The following SLC12A4 variants were observed in gnomAD, a reference collection of about 807,000 sequenced individuals.
SLC12A4 encodes electroneutral potassium-chloride cotransporter 1.
SLC12A4 carries 84 observed loss-of-function variants against 119.2 expected under a neutral mutation model. The observed-to-expected ratio is 0.70, with a 90% CI of 0.59 to 0.85. SLC12A4 has a LOEUF of 0.85. Ranked by LOEUF, SLC12A4 falls within the 40% of genes least tolerant of loss-of-function variation. The probability of loss-of-function intolerance (pLI) is 0.00; values close to 1 mark genes in which losing one functional copy is unlikely to be tolerated. For synonymous variants in SLC12A4, 599 were observed against 604.6 expected, an observed-to-expected ratio of 0.99 and a Z score of 0.14; for missense variants, 1,298 against 1,476.3, an observed-to-expected ratio of 0.88 and a Z score of 1.98.
rs1307695558 is a variant in SLC12A4 at position 67,946,324 on chromosome 16, A to T, written c.2454T>A (p.Thr818=). The stretch of plus-strand genomic sequence containing the variant: ...CGAGCAGGGCCAGGTGGGCAGCCGT[A>T]GTGCAGCGCACGGTGTCTGGGGAGG... ...WKTFIDTVRC[T]TAAHLALLVP... Residue 818 remains threonine (T), a synonymous_variant, in exon 19 of 24, where the codon ACT becomes ACA. Transcript: ENST00000316341. 3.1e-6 allele frequency: 5 copies of T among 1,610,566 alleles called. No individual in the cohort carries two copies.
Position 67,968,606 on chromosome 16 carries a change from C to T in SLC12A4, c.-53G>A, listed in dbSNP as rs1290178726. 1.1e-5 allele frequency: 16 copies of T among 1,399,212 alleles called. No individual in the cohort carries two copies. The highest frequency in any genetic ancestry group is 1.5e-5 in the Non-Finnish European group (16 of 1,079,844). The allele number at this position is 1,399,212 out of a possible 1,614,324, so 86.7% of individuals were successfully genotyped here. A position where few individuals can be genotyped will look rare whatever the true frequency, so the allele number is the denominator to read the frequency against. ...CCGTCCCAGCCGCCCGCCGCTGTCC[C>T]CGCCGCTGTCCCCGCCGCCCCGGGC... On this transcript the variant is annotated 5_prime_UTR_variant, in exon 1 of 24. Coordinates refer to ENST00000316341, the MANE Select transcript of SLC12A4 (RefSeq NM_005072.5).
Position 67,945,504 on chromosome 16 carries a change from T to C in SLC12A4, c.2897A>G (p.Tyr966Cys), listed in dbSNP as rs1160444609. The C allele has an allele frequency of 2.5e-6, 4 of 1,613,852 alleles. No individual in the cohort carries two copies. The Admixed American group carries it at 6.7e-5, about 27-fold the overall frequency. ...TGCAGACTCATCTTCCTCGTCCGAG[T>C]ACAGGCTCTCCAGCCGCAGGGCCGA... is the stretch of plus-strand genomic sequence containing the variant. ...RHSALRLESL[Y>C]SDEEDESAVG... Residue 966 changes from tyrosine to cysteine, a missense_variant, in exon 22 of 24, where the codon TAC (tyrosine) becomes TGC (cysteine). Coordinates refer to ENST00000316341, the MANE Select transcript of SLC12A4 (RefSeq NM_005072.5).
chr16:67,951,354 T>C lies in SLC12A4; in HGVS notation c.1133-50A>G. 1.3e-6 allele frequency: 2 copies of C among 1,579,122 alleles called. No individual in the cohort carries two copies. Among genetic ancestry groups the C allele is most frequent in the Non-Finnish European group, 1.7e-6 (2 of 1,161,788 alleles). On this transcript the variant is annotated intron_variant, in intron 8 of 23. Coordinates refer to ENST00000316341, the MANE Select transcript of SLC12A4 (RefSeq NM_005072.5). This position sits in a 1 kb window ranked among gnomAD's most constrained non-coding sequence, Gnocchi z 5.2. ...CACAGCTGCCCCCCACTACCCCAGG[T>C]AGTTTGGGGCAGCCTAGCCAGAGGC...
At position 67,957,810 on chromosome 16, in the gene SLC12A4, G is replaced by T. The variant is rs766068962; in HGVS notation, c.490-14C>A. 1 of 1,614,166 alleles carries T rather than the reference G, an allele frequency of 6.2e-7. No homozygotes were observed. Among genetic ancestry groups the T allele is most frequent in the South Asian group, 1.1e-5 (1 of 91,086 alleles). Reference sequence around the variant, plus strand: ...CGTCAGCAGGGTCTGTGGGAAGGAGGGCCTGGGTGAGCGGCTCAGCTGGGT... The same window carrying T: ...CGTCAGCAGGGTCTGTGGGAAGGAGTGCCTGGGTGAGCGGCTCAGCTGGGT... On this transcript the variant is annotated splice_polypyrimidine_tract_variant and intron_variant, in intron 4 of 23. Coordinates refer to ENST00000316341, the MANE Select transcript of SLC12A4 (RefSeq NM_005072.5).
intron 15 of SLC12A4, 91 bp downstream of exon 15, chr16:67,947,578 C>T (rs907862527): frequency 7.2e-6 from 11 of 1,525,936 alleles, no homozygotes; most frequent in African/African-American, 1.4e-5. Context: ...CCACGGTGGC[C>T]CAGCTCCCTG....
Position 67,950,974 on chromosome 16 carries a change from T to C in SLC12A4, c.1384A>G (p.Thr462Ala), listed in dbSNP as rs777393577. The change falls in exon 10 of 24, where the codon ACT (threonine) becomes GCT (alanine). Residue 462 changes from threonine to alanine, a missense_variant. Transcript: ENST00000316341. The surrounding 1 kb of genome is among the most constrained non-coding windows in gnomAD (Gnocchi z 4.3). ...PVGTILAIIT[T>A]SLVYFSSVVL... ...TGGGAAAGGATACACACGAGGGAAGTTGTAATGATGGCCAGAATGGTCCCC... is the reference window on the plus strand; with the variant it reads ...TGGGAAAGGATACACACGAGGGAAGCTGTAATGATGGCCAGAATGGTCCCC... 3.2e-5 allele frequency: 52 copies of C among 1,613,386 alleles called. No individual in the cohort carries two copies. The highest frequency in any genetic ancestry group is 4.3e-5 in the Non-Finnish European group (51 of 1,179,888).
chr16:67,963,372 G>A (rs1176019922), intron 2 of SLC12A4, 93 bp downstream of exon 2: 1 of 736,730 alleles, frequency 1.4e-6, no homozygotes, highest in Non-Finnish European at 2.2e-6. Flanking sequence ...ATGAGAGGAA[G>A]AGCAAGACAG....
chr16:67,947,560 C>T, intron 15 of SLC12A4, 109 bp downstream of exon 15: 1 of 1,508,996 alleles, frequency 6.6e-7, no homozygotes, highest in Non-Finnish European at 9.0e-7. Flanking sequence ...AGTCCCCAGT[C>T]CTGGCACCCA....
chr16:67,962,030 C>T (rs988167650), intron 2 of SLC12A4, among the ~76,000 whole-genome samples: 4 of 152,224 alleles, frequency 2.6e-5, no homozygotes, highest in Non-Finnish European at 4.4e-5. Context: ...CAATGGCATA[C>T]TTCATCCTGC....
intron 13 of SLC12A4, among the ~76,000 whole-genome samples, chr16:67,948,774 G>A (rs2058380733): frequency 6.6e-6 from 1 of 152,190 alleles, no homozygotes; most frequent in Non-Finnish European, 1.5e-5. Context: ...TGGGCACAAG[G>A]GGGGTCACCA....
In SLC12A4 at chr16:67,943,966, T is replaced by A. The variant is rs761720102; in HGVS notation, c.*874A>T. Reference sequence around the variant, plus strand: ...GGCTTACCGAGGATGACGGGCCGTGTGTGGTTACTGAGCTCAGCCTTGGGC... The same window carrying A: ...GGCTTACCGAGGATGACGGGCCGTGAGTGGTTACTGAGCTCAGCCTTGGGC... On this transcript the variant is annotated 3_prime_UTR_variant, in exon 24 of 24. Transcript: ENST00000316341. The surrounding 1 kb of genome is among the most constrained non-coding windows in gnomAD (Gnocchi z 4.6). 4.5e-6 allele frequency: 7 copies of A among 1,547,490 alleles called. No individual in the cohort carries two copies. Among genetic ancestry groups the A allele is most frequent in the Non-Finnish European group, 8.7e-7 (1 of 1,145,148 alleles).
rs201649886 is a variant in SLC12A4, at chr16:67,945,770, C to T, written c.2841G>A (p.Glu947=). 13 of 1,613,188 alleles carry T rather than the reference C, an allele frequency of 8.1e-6. No homozygotes were observed. The highest frequency in any genetic ancestry group is 1.7e-5 in the Admixed American group (1 of 59,992). Residue 947 remains glutamate, a synonymous_variant, in exon 21 of 24, where the codon GAG becomes GAA. Coordinates refer to ENST00000316341, the MANE Select transcript of SLC12A4 (RefSeq NM_005072.5). ...RQMRLTKTER[E]REAQLVKDRH... is the part of the protein sequence containing the mutation. ...AACCACAAAGGGCACTGACTTCTCG[C>T]TCCCGCTCAGTCTTGGTCAGTCTCA...
chr16:67,950,254 C>T lies in SLC12A4; in HGVS notation c.1629+65G>A, dbSNP rs1243662277. The T allele has an allele frequency of 1.9e-6, 3 of 1,563,458 alleles. No homozygotes were observed. The highest frequency in any genetic ancestry group is 2.3e-5 in the South Asian group (2 of 85,644). On this transcript the variant is annotated intron_variant, in intron 12 of 23. Coordinates refer to ENST00000316341, the MANE Select transcript of SLC12A4 (RefSeq NM_005072.5). The surrounding 1 kb of genome is among the most constrained non-coding windows in gnomAD (Gnocchi z 4.3). The stretch of plus-strand genomic sequence containing the variant: ...GACGTGCTGCATCTGTGTTCCCTAT[C>T]TCTCTCCCCAGCCGGGCGAGGGCCT...
At chr16:67,960,686 G>A (rs1373216789) in intron 3 of SLC12A4, among the ~76,000 whole-genome samples, 3 of 151,396 alleles carry the variant, frequency 2.0e-5, no homozygotes, top group Non-Finnish European at 2.9e-5. Flanking sequence ...TGTGGAGAGG[G>A]AGGGTCCCTA....
In SLC12A4 at chr16:67,947,382, C is replaced by G; in HGVS notation, c.2021G>C (p.Arg674Pro). 6.2e-7 allele frequency: 1 copy of G among 1,612,828 alleles called. No homozygotes were observed. Among genetic ancestry groups the G allele is most frequent in the Non-Finnish European group, 8.5e-7 (1 of 1,179,864 alleles). Residue 674 changes from arginine (R) to proline (P), a missense_variant, in exon 16 of 24, where the codon CGC becomes CCC. Arg to Pro is a moderately radical substitution (Grantham distance 103, BLOSUM62 -2). Transcript: ENST00000316341. ...CTCCTCCAGCCGCAACAGCGCGTAG[C>G]GGGCAGCGCTCAGGGACAGGCCTCG... Reference protein sequence around the residue: ...GIRGLSLSAARYALLRLEEGP... With the variant: ...GIRGLSLSAAPYALLRLEEGP...
In SLC12A4 at chr16:67,943,813, TC is replaced by T. The variant is rs2058310052; in HGVS notation, c.*1026del. 4.8e-6 allele frequency: 4 copies of T among 829,282 alleles called. 1 individual carries two copies. The South Asian group carries it at 7.8e-5, about 16-fold the overall frequency. The allele number at this position is 829,282 out of a possible 1,614,324, so 51.4% of individuals were successfully genotyped here. On this transcript the variant is annotated 3_prime_UTR_variant, in exon 24 of 24. Transcript: ENST00000316341. This position sits in a 1 kb window ranked among gnomAD's most constrained non-coding sequence, Gnocchi z 4.6. ...CTCTAAGGGACAAGCTTTTGGCCCC[TC>T]CCCACACCAGGGCAGGTACTTATGT...
At chr16:67,953,184 C>T (rs540770850) in intron 6 of SLC12A4, among the ~76,000 whole-genome samples, 14 of 151,718 alleles carry the variant, frequency 9.2e-5, no homozygotes, top group Non-Finnish European at 1.8e-4. Flanking sequence ...CTCAAGAGTT[C>T]GAGACAACCC....
chr16:67,944,963 A>G lies in SLC12A4; in HGVS notation c.3167-32T>C. The G allele has an allele frequency of 1.2e-6, 2 of 1,612,888 alleles. No homozygotes were observed. Among genetic ancestry groups the G allele is most frequent in the Non-Finnish European group, 1.7e-6 (2 of 1,179,760 alleles). ...GGCCTCAAGTCAAGGAGGCAACAAC[A>G]GAATCAACGGGCAACCCGGGCCACC... On this transcript the variant is annotated intron_variant, in intron 23 of 23. Transcript: ENST00000316341. This position sits in a 1 kb window ranked among gnomAD's most constrained non-coding sequence, Gnocchi z 6.6.
chr16:67,951,014 C>T lies in SLC12A4; in HGVS notation c.1344G>A (p.Gln448=). The T allele has an allele frequency of 2.5e-6, 4 of 1,613,962 alleles. No individual in the cohort carries two copies. The highest frequency in any genetic ancestry group is 3.4e-6 in the Non-Finnish European group (4 of 1,180,018). Residue 448 remains glutamine, a synonymous_variant, in exon 10 of 24, where the codon CAG becomes CAA. Coordinates refer to ENST00000316341, the MANE Select transcript of SLC12A4 (RefSeq NM_005072.5). This position sits in a 1 kb window ranked among gnomAD's most constrained non-coding sequence, Gnocchi z 5.2. The part of the protein sequence containing the change: ...SNRSGDLRDA[Q]KSIPVGTILA... ...GAATGGTCCCCACAGGGATAGACTT[C>T]TGGGCGTCACGAAGGTCCCCAGAGC... is the stretch of plus-strand genomic sequence containing the variant.
Sources: allele counts gnomAD v4.1 joint callset (sites outside exome capture counted in the v4.1 genomes callset), GRCh38; gene constraint gnomAD v4.1.1; non-coding constraint Gnocchi (gnomAD v3.1); transcripts MANE v1.5; gene names NCBI Gene and HGNC (gene_info 2026-07-23, HGNC 2026-07-21).